Variants in DIP2B observed in about 807,000 individuals in gnomAD.
The protein encoded by DIP2B is disco-interacting protein 2 homolog B.
A neutral mutation model predicts 198.0 loss-of-function variants in DIP2B; 76 were observed. That is an observed-to-expected ratio of 0.38 (90% CI 0.32 to 0.46). The LOEUF is 0.46. Ranked by LOEUF, DIP2B falls within the 20% of genes least tolerant of loss-of-function variation. The pLI, the probability that DIP2B is intolerant of heterozygous loss-of-function variation, is 0.99. For synonymous variants in DIP2B, 701 were observed against 739.1 expected (o/e 0.95, Z 0.84); for missense variants, 1,559 against 1,978.4 (o/e 0.79, Z 4.02).
intron 2 of DIP2B, among the ~76,000 whole-genome samples, chr12:50,633,715 G>A (rs905014550): frequency 1.3e-5 from 2 of 152,148 alleles, no homozygotes; most frequent in Admixed American, 6.5e-5. Context: ...GCAGTGAGCC[G>A]TGATTGTGCC....
chr12:50,556,952 C>G (rs974351122), intron 1 of DIP2B, among the ~76,000 whole-genome samples: 10 of 152,068 alleles, frequency 6.6e-5, no homozygotes, highest in African/African-American at 2.4e-4. Context: ...TCAGGTGATT[C>G]ACCTACATCG....
chr12:50,732,534 C>T lies in DIP2B; in HGVS notation c.3979C>T (p.Gln1327Ter). 1 of 1,614,078 alleles carries T rather than the reference C, an allele frequency of 6.2e-7. No individual in the cohort carries two copies. Among genetic ancestry groups the T allele is most frequent in the Non-Finnish European group, 8.5e-7 (1 of 1,180,014 alleles). ...GSRVNVAICL[Q>*]GTSGPDPTTV... Reference sequence around the variant, plus strand: ...AAGAGTCAATGTAGCAATATGTTTACAGGTGACCCTCATGAAATCTTGTCT... The same window carrying T: ...AAGAGTCAATGTAGCAATATGTTTATAGGTGACCCTCATGAAATCTTGTCT... The change falls in exon 32 of 38, where the codon CAG (glutamine) becomes TAG (stop). Residue 1327 changes from glutamine (Q) to a stop codon, truncating the protein, a stop_gained and splice_region_variant. Coordinates refer to ENST00000301180, the MANE Select transcript of DIP2B (RefSeq NM_173602.3). LOFTEE classifies it high-confidence loss of function.
intron 3 of DIP2B, among the ~76,000 whole-genome samples, chr12:50,654,576 C>T (rs1249561156): frequency 3.0e-4 from 45 of 151,912 alleles, no homozygotes; most frequent in Admixed American, 3.0e-3. Flanking sequence ...GGTCTCTTAC[C>T]CTTGGGCTCA....
At chr12:50,690,613 T>G (rs1242633943) in intron 12 of DIP2B, among the ~76,000 whole-genome samples, 1 of 152,196 alleles carries the variant, frequency 6.6e-6, no homozygotes, top group East Asian at 1.9e-4. Flanking sequence ...GTTGAATGAT[T>G]TGGAGGAGCA....
chr12:50,520,219 G>T (rs558957416), intron 1 of DIP2B, among the ~76,000 whole-genome samples: 2 of 151,978 alleles, frequency 1.3e-5, no homozygotes, highest in African/African-American at 2.4e-5. Context: ...TGTATTTTTA[G>T]TGGAGACAGG....
chr12:50,582,307 C>T (rs1735184876), intron 1 of DIP2B, among the ~76,000 whole-genome samples: 3 of 151,770 alleles, frequency 2.0e-5, no homozygotes, highest in Non-Finnish European at 2.9e-5. Flanking sequence ...CGCACCACCA[C>T]GCCTGGCTAA....
chr12:50,660,204 A>G lies in DIP2B; in HGVS notation c.312A>G (p.Thr104=). Residue 104 remains threonine, a synonymous_variant, in exon 4 of 38, where the codon ACA becomes ACG. Coordinates refer to ENST00000301180, the MANE Select transcript of DIP2B (RefSeq NM_173602.3). The part of the protein sequence containing the change: ...RDERYRSDIH[T]EAVQAALAKH... ...TGTTTGCTTTTTCAGATATCCACAC[A>G]GAAGCAGTTCAGGCTGCACTGGCAA... is the stretch of plus-strand genomic sequence containing the variant. The G allele has an allele frequency of 1.2e-6, 2 of 1,608,688 alleles. No individual in the cohort carries two copies. The highest frequency in any genetic ancestry group is 1.7e-6 in the Non-Finnish European group (2 of 1,177,612).
chr12:50,698,430 A>G lies in DIP2B; in HGVS notation c.2151A>G (p.Ala717=). 1 of 1,614,040 alleles carries G rather than the reference A, an allele frequency of 6.2e-7. No homozygotes were observed. Among genetic ancestry groups the G allele is most frequent in the Non-Finnish European group, 8.5e-7 (1 of 1,179,928 alleles). ...TCAATACTGAAGATAAAAATTCAGC[A>G]CTGACGGTCCAGGATGTAGGGCATG... ...IRVNTEDKNS[A]LTVQDVGHVM... The change falls in exon 18 of 38, where the codon GCA becomes GCG. Residue 717 remains alanine (A), a synonymous_variant. Transcript: ENST00000301180.
chr12:50,723,260 C>G lies in DIP2B; in HGVS notation c.3225C>G (p.Thr1075=), dbSNP rs377207504. Residue 1075 remains threonine, a synonymous_variant, in exon 27 of 38, where the codon ACC becomes ACG. Coordinates refer to ENST00000301180, the MANE Select transcript of DIP2B (RefSeq NM_173602.3). ...TGTATGCGGGCTGTATACCTGTGAC[C>G]GTCAGACCTCCACATGCTCAGAACC... ...GCLYAGCIPV[T]VRPPHAQNLT... 1.9e-6 allele frequency: 3 copies of G among 1,614,142 alleles called. No homozygotes were observed. In the South Asian group the frequency reaches 3.3e-5, roughly 18 times the overall value.
chr12:50,723,402 C>T, intron 27 of DIP2B, 79 bp downstream of exon 27: 1 of 1,572,080 alleles, frequency 6.4e-7, no homozygotes, highest in Non-Finnish European at 8.6e-7. Context: ...TACTAATTTT[C>T]CAATTTTGTT....
At chr12:50,562,501 G>T (rs1288336728) in intron 1 of DIP2B, among the ~76,000 whole-genome samples, 1 of 151,988 alleles carries the variant, frequency 6.6e-6, no homozygotes, top group Non-Finnish European at 1.5e-5. Flanking sequence ...TTGGGAAACC[G>T]AGGGCAGTGG....
At chr12:50,629,759 C>G (rs1277919612) in intron 2 of DIP2B, among the ~76,000 whole-genome samples, 1 of 152,080 alleles carries the variant, frequency 6.6e-6, no homozygotes, top group South Asian at 2.1e-4. Context: ...CTCCAGAAAA[C>G]CAACTACAAC....
In DIP2B at chr12:50,698,945, G is replaced by C. The variant is rs1939367580; in HGVS notation, c.2189-121G>C. ...GGTTTATGTTTAGCATTCCTGTCTGGTATTTTTACTTAATGCCACTCAGTA... is the reference window on the plus strand; with the variant it reads ...GGTTTATGTTTAGCATTCCTGTCTGCTATTTTTACTTAATGCCACTCAGTA... On this transcript the variant is annotated intron_variant, in intron 18 of 37. Coordinates refer to ENST00000301180, the MANE Select transcript of DIP2B (RefSeq NM_173602.3). The C allele has an allele frequency of 9.1e-6, 10 of 1,097,536 alleles. No homozygotes were observed. The South Asian group carries it at 1.6e-4, about 17-fold the overall frequency. 68.0% of individuals were successfully genotyped at this position (1,097,536 alleles called of 1,614,324 possible). A position where few individuals can be genotyped will look rare whatever the true frequency, so the allele number is the denominator to read the frequency against.
At chr12:50,689,195 C>T (rs531966430) in intron 12 of DIP2B, among the ~76,000 whole-genome samples, 71 of 152,016 alleles carry the variant, frequency 4.7e-4, no homozygotes, top group Non-Finnish European at 8.2e-4. Flanking sequence ...CTCAGGAGTT[C>T]GAGACGAGCC....
At chr12:50,618,816 T>C (rs1293843938) in intron 1 of DIP2B, among the ~76,000 whole-genome samples, 2 of 152,224 alleles carry the variant, frequency 1.3e-5, no homozygotes, top group South Asian at 2.1e-4. Flanking sequence ...ATTTTACTTA[T>C]ATGTTCTTAT....
intron 1 of DIP2B, among the ~76,000 whole-genome samples, chr12:50,528,676 T>C (rs1958189287): frequency 6.6e-6 from 1 of 152,098 alleles, no homozygotes; most frequent in Non-Finnish European, 1.5e-5. Flanking sequence ...AAAGAGGGCT[T>C]AGAGTGAACA....
At chr12:50,646,803 C>T (rs754740780) in intron 3 of DIP2B, among the ~76,000 whole-genome samples, 8 of 152,100 alleles carry the variant, frequency 5.3e-5, no homozygotes, top group Non-Finnish European at 8.8e-5. Flanking sequence ...TACTAACTCG[C>T]TTTGCCACCC....
chr12:50,731,256 T>C, intron 30 of DIP2B, 113 bp from the exon 31 acceptor site: 1 of 1,254,664 alleles, frequency 8.0e-7, no homozygotes. Flanking sequence ...ATATCTCATA[T>C]GTCCCTACAC....
rs1035796637 is a variant in DIP2B at position 50,583,798 on chromosome 12, T to C, written c.101-42178T>C. The stretch of plus-strand genomic sequence containing the variant: ...CCTTTATTAAATCAACCTGTCTCTC[T>C]AGTCAGTGACCCACTTTTTTCTCCC... On this transcript the variant is annotated intron_variant, in intron 1 of 37. Coordinates refer to ENST00000301180, the MANE Select transcript of DIP2B (RefSeq NM_173602.3). Among the ~76,000 whole-genome samples, 5 of 152,206 alleles carry C rather than the reference T, an allele frequency of 3.3e-5. No homozygotes were observed. The East Asian group carries it at 5.8e-4, about 18-fold the overall frequency.
Sources: gnomAD v4.1 joint callset for allele counts (sites outside exome capture counted in the v4.1 genomes callset) on GRCh38, gnomAD v4.1.1 for gene constraint, MANE v1.5 for transcripts, NCBI Gene and HGNC (gene_info 2026-07-23, HGNC 2026-07-21) for gene names.